ANKFN1: variants seen among roughly 807,000 people sequenced by gnomAD.
ANKFN1 encodes the protein ankyrin repeat and fibronectin type III domain containing 1.
ANKFN1 carries 74 observed loss-of-function variants against 108.7 expected under a neutral mutation model. That is an observed-to-expected ratio of 0.68 (90% confidence interval 0.56 to 0.83). The LOEUF is 0.83. ANKFN1 is among the 40% of genes least tolerant of loss of function. The probability of loss-of-function intolerance (pLI) is 0.00; values close to 1 mark genes in which losing one functional copy is unlikely to be tolerated. For missense variants in ANKFN1, 1,505 were observed against 1,382.3 expected (o/e 1.09, Z -1.41); for synonymous variants, 547 against 516.2 (o/e 1.06, Z -0.81).
At chr17:56,230,858 AC>A (rs1916684054) in intron 3 of ANKFN1, among the ~76,000 whole-genome samples, 2 of 152,022 alleles carry the variant, frequency 1.3e-5, no homozygotes, top group Admixed American at 6.6e-5. Flanking sequence ...CACAGACAAC[AC>A]CCTGGCTCTC....
intron 8 of ANKFN1, among the ~76,000 whole-genome samples, chr17:56,391,212 C>CATATATATATATATATATATATATATAT (rs202114506): frequency 8.2e-6 from 1 of 121,416 alleles, no homozygotes; most frequent in Non-Finnish European, 1.6e-5. Flanking sequence ...CCCAAGAATA[C>CATATATATATATATATATATATATATAT]ATATATATAT....
At chr17:56,467,810 GAAAGA>G (rs1568026538) in intron 15 of ANKFN1, among the ~76,000 whole-genome samples, 5 of 36,712 alleles carry the variant, frequency 1.4e-4, no homozygotes, top group African/African-American at 5.0e-4. Context: ...AAGAAAGAAA[GAAAGA>G]AAGAAAGAAA....
At chr17:56,254,962 A>C (rs2043322731) in intron 3 of ANKFN1, among the ~76,000 whole-genome samples, 2 of 152,220 alleles carry the variant, frequency 1.3e-5, no homozygotes, top group South Asian at 4.1e-4. Context: ...CCATCAGACC[A>C]GTCTGGCCTC....
chr17:56,405,741 G>A (rs905677887), intron 8 of ANKFN1, among the ~76,000 whole-genome samples: 2 of 152,114 alleles, frequency 1.3e-5, no homozygotes, highest in African/African-American at 4.8e-5. Flanking sequence ...ATTTTGAATT[G>A]TATATGGAAG....
chr17:56,189,424 C>A (rs1912654967), intron 1 of ANKFN1, among the ~76,000 whole-genome samples: 1 of 151,840 alleles, frequency 6.6e-6, no homozygotes, highest in South Asian at 2.1e-4. Context: ...CCCGCCTCGG[C>A]CTCCCAAAGT....
chr17:56,113,215 G>A (rs184874678), intron 4 of ANKFN1, among the ~76,000 whole-genome samples: 8 of 152,204 alleles, frequency 5.3e-5, no homozygotes, highest in South Asian at 4.1e-4. Context: ...GCTGATTTCC[G>A]CTGCTTTTCC....
chr17:56,393,120 C>T (rs144757735), intron 8 of ANKFN1, among the ~76,000 whole-genome samples: 1 of 152,242 alleles, frequency 6.6e-6, no homozygotes, highest in Non-Finnish European at 1.5e-5. Context: ...TAAGGCCCAC[C>T]GTTAAACAAA....
intron 3 of ANKFN1, among the ~76,000 whole-genome samples, chr17:56,300,393 G>C (rs981045887): frequency 6.6e-6 from 1 of 152,214 alleles, no homozygotes; most frequent in Non-Finnish European, 1.5e-5. Context: ...TGAAATCCAC[G>C]TTGCCAAGTC....
chr17:56,149,124 G>A (rs1285779812), upstream of ANKFN1, among the ~76,000 whole-genome samples: 7 of 152,236 alleles, frequency 4.6e-5, no homozygotes, highest in South Asian at 6.2e-4. Context: ...CATGGAGGCA[G>A]TGGCGGGGTG....
chr17:56,170,624 A>G (rs1910565854), intron 1 of ANKFN1, among the ~76,000 whole-genome samples: 1 of 151,074 alleles, frequency 6.6e-6, no homozygotes, highest in Non-Finnish European at 1.5e-5. Context: ...TTAGCCATGC[A>G]TGGTGGCGCG....
At position 56,449,127 on chromosome 17, in the gene ANKFN1, A is replaced by C; in HGVS notation, c.1148A>C (p.Glu383Ala). The change falls in exon 11 of 21, where the codon GAA becomes GCA. Residue 383 changes from glutamate (E) to alanine (A), a missense_variant. Coordinates refer to ENST00000682825, the MANE Select transcript of ANKFN1 (RefSeq NM_001370326.1). ...DREPRHKGQS[E>A]VLEGLLQQVR... ...GAGCCCAGACACAAGGGACAGAGTGAAGTTTTGGAAGGTCTGCTGCAGCAG... is the reference window on the plus strand; with the variant it reads ...GAGCCCAGACACAAGGGACAGAGTGCAGTTTTGGAAGGTCTGCTGCAGCAG... The C allele has an allele frequency of 6.2e-7, 1 of 1,613,586 alleles. No homozygotes were observed. Among genetic ancestry groups the C allele is most frequent in the Non-Finnish European group, 8.5e-7 (1 of 1,179,662 alleles).
At chr17:56,075,751 G>C (rs1167530087) in intron 4 of ANKFN1, among the ~76,000 whole-genome samples, 2 of 152,150 alleles carry the variant, frequency 1.3e-5, no homozygotes, top group Non-Finnish European at 2.9e-5. Context: ...AGAAGGGCTG[G>C]AACACTGCAG....
At chr17:56,111,589 G>A (rs908882278) in intron 4 of ANKFN1, among the ~76,000 whole-genome samples, 8 of 149,166 alleles carry the variant, frequency 5.4e-5, no homozygotes, top group African/African-American at 2.0e-4. Flanking sequence ...TGGTACAAAT[G>A]TATGCTGGAA....
intron 8 of ANKFN1, among the ~76,000 whole-genome samples, chr17:56,386,248 A>C (rs2047263782): frequency 6.6e-6 from 1 of 151,216 alleles, no homozygotes; most frequent in African/African-American, 2.4e-5. Context: ...ATATGTTCTC[A>C]CTCATAGGTG....
chr17:56,492,374 G>C, intron 19 of ANKFN1, 21 bp downstream of exon 19: 1 of 696,982 alleles, frequency 1.4e-6, no homozygotes, highest in Non-Finnish European at 2.6e-6. Context: ...GTTCCTTCTG[G>C]GGTAAAAGGA....
intron 18 of ANKFN1, among the ~76,000 whole-genome samples, chr17:56,482,943 G>A (rs1032455322): frequency 6.8e-6 from 1 of 147,954 alleles, no homozygotes; most frequent in African/African-American, 2.5e-5. Flanking sequence ...CTCTCTCACC[G>A]TCCCCACATC....
At chr17:56,178,668 G>A (rs1468362836) in intron 1 of ANKFN1, among the ~76,000 whole-genome samples, 2 of 151,904 alleles carry the variant, frequency 1.3e-5, no homozygotes, top group Non-Finnish European at 2.9e-5. Context: ...TTAACCTCAG[G>A]GTGGGCGGGA....
intron 4 of ANKFN1, among the ~76,000 whole-genome samples, chr17:56,120,725 A>G (rs1019577366): frequency 1.2e-4 from 19 of 152,220 alleles, no homozygotes; most frequent in Admixed American, 9.8e-4. Context: ...GACACCTCCA[A>G]TGATGGTTGC....
chr17:56,515,436 T>G lies in ANKFN1; in HGVS notation c.*4167T>G, dbSNP rs1440025855. Among the ~76,000 whole-genome samples, 1 of 152,188 alleles carries G rather than the reference T, an allele frequency of 6.6e-6. No individual in the cohort carries two copies. Among genetic ancestry groups the G allele is most frequent in the Non-Finnish European group, 1.5e-5 (1 of 68,028 alleles). ...TTCAAGGTCGTATCTTCAAGGAAAT[T>G]TTTAAAATAGCTATTTGGAAAGCAA... On this transcript the variant is annotated 3_prime_UTR_variant, in exon 21 of 21. Coordinates refer to ENST00000682825, the MANE Select transcript of ANKFN1 (RefSeq NM_001370326.1).
Sources: allele counts gnomAD v4.1 joint callset (sites outside exome capture counted in the v4.1 genomes callset), GRCh38; gene constraint gnomAD v4.1.1; transcripts MANE v1.5; gene names NCBI Gene and HGNC (gene_info 2026-07-23, HGNC 2026-07-21).